USP13: variants seen among roughly 807,000 people sequenced by gnomAD.
USP13 encodes ubiquitin specific peptidase 13.
USP13 carries 68 observed loss-of-function variants against 107.8 expected under a neutral mutation model. The ratio of observed to expected loss-of-function variants is 0.63; its 90% CI spans 0.52 to 0.77. The LOEUF (loss-of-function observed/expected upper bound fraction) is 0.77. Ranked by LOEUF, USP13 falls within the 30% of genes least tolerant of loss-of-function variation. The probability of loss-of-function intolerance (pLI) is 0.00; values close to 1 mark genes in which losing one functional copy is unlikely to be tolerated. For missense variants in USP13, 945 were observed against 1,093.3 expected (o/e 0.86, Z 1.91); for synonymous variants, 377 against 389.5 (o/e 0.97, Z 0.38).
intron 1 of USP13, among the ~76,000 whole-genome samples, chr3:179,654,620 A>T (rs1193590930): frequency 6.6e-6 from 1 of 152,156 alleles, no homozygotes; most frequent in Non-Finnish European, 1.5e-5. Context: ...CTCATATGTC[A>T]CCCGGCAGAT....
At chr3:179,750,378 GT>G in intron 13 of USP13, among the ~76,000 whole-genome samples, 1 of 145,552 alleles carries the variant, frequency 6.9e-6, no homozygotes, top group South Asian at 2.1e-4. Flanking sequence ...AGAGTTTGTT[GT>G]TTTTTTGGTG....
intron 6 of USP13, among the ~76,000 whole-genome samples, chr3:179,715,015 G>T (rs968237102): frequency 6.6e-6 from 1 of 150,984 alleles, no homozygotes; most frequent in African/African-American, 2.4e-5. Context: ...GAGCACAGGT[G>T]CTTGCCACCA....
chr3:179,752,556 C>T (rs1161489172), intron 14 of USP13, among the ~76,000 whole-genome samples, 183 bp downstream of exon 14: 1 of 152,204 alleles, frequency 6.6e-6, no homozygotes, highest in African/African-American at 2.4e-5. Flanking sequence ...CATCTGCTTA[C>T]CCACCCCTCC....
In USP13 at chr3:179,708,875, C is replaced by T; in HGVS notation, c.723C>T (p.Gly241=). 1 of 1,614,102 alleles carries T rather than the reference C, an allele frequency of 6.2e-7. No individual in the cohort carries two copies. Residue 241 remains glycine, a synonymous_variant, in exon 6 of 21, where the codon GGC becomes GGT. Coordinates refer to ENST00000263966, the MANE Select transcript of USP13 (RefSeq NM_003940.3). ...AGTGGTTCTTTGACAGCTCTGGGGGCAACGGGCATGCGCTGGAGCATTACA... is the reference window on the plus strand; with the variant it reads ...AGTGGTTCTTTGACAGCTCTGGGGGTAACGGGCATGCGCTGGAGCATTACA... The part of the protein sequence containing the change: ...CGKWFFDSSG[G]NGHALEHYRD...
intron 16 of USP13, among the ~76,000 whole-genome samples, chr3:179,760,027 TC>T (rs1714947724): frequency 6.6e-6 from 1 of 152,202 alleles, no homozygotes; most frequent in South Asian, 2.1e-4. Context: ...TCTTCTCGGT[TC>T]TTTTCCTGAT....
intron 18 of USP13, among the ~76,000 whole-genome samples, chr3:179,764,428 A>G (rs1715109316): frequency 6.6e-6 from 1 of 152,206 alleles, no homozygotes; most frequent in Non-Finnish European, 1.5e-5. Flanking sequence ...ATCATCTTGA[A>G]TGTTTGTTAA....
chr3:179,755,773 T>C (rs1372227300), intron 15 of USP13, among the ~76,000 whole-genome samples: 2 of 152,234 alleles, frequency 1.3e-5, no homozygotes, highest in African/African-American at 4.8e-5. Flanking sequence ...AATGAGTAGA[T>C]TAACTCATAA....
At chr3:179,764,726 C>T (rs140878545) in intron 18 of USP13, among the ~76,000 whole-genome samples, 1 of 152,282 alleles carries the variant, frequency 6.6e-6, no homozygotes, top group East Asian at 1.9e-4. Flanking sequence ...TTCCCTTCTG[C>T]AGTGCTGATA....
At chr3:179,733,671 G>C (rs1713885259) in intron 10 of USP13, among the ~76,000 whole-genome samples, 1 of 152,222 alleles carries the variant, frequency 6.6e-6, no homozygotes, top group Non-Finnish European at 1.5e-5. Context: ...TAGATGATGA[G>C]AGGAATGTAT....
At chr3:179,734,290 T>A (rs1713909223) in intron 10 of USP13, among the ~76,000 whole-genome samples, 2 of 152,244 alleles carry the variant, frequency 1.3e-5, no homozygotes, top group African/African-American at 4.8e-5. Context: ...TTGCAGTAGA[T>A]AATAGTTACT....
intron 3 of USP13, among the ~76,000 whole-genome samples, chr3:179,700,794 A>G (rs946167820): frequency 6.6e-6 from 1 of 152,214 alleles, no homozygotes; most frequent in Admixed American, 6.5e-5. Context: ...TTCATACATC[A>G]GTCACTGATA....
At chr3:179,728,434 A>C (rs1203600127) in intron 8 of USP13, among the ~76,000 whole-genome samples, 8 of 129,628 alleles carry the variant, frequency 6.2e-5, no homozygotes, top group African/African-American at 8.9e-5. Context: ...GGCGGCCGGG[A>C]AGAGGCGCTC....
chr3:179,729,108 A>C (rs1713697231), intron 8 of USP13, among the ~76,000 whole-genome samples: 5 of 152,236 alleles, frequency 3.3e-5, no homozygotes, highest in African/African-American at 1.2e-4. Flanking sequence ...GGAGCACTGC[A>C]ACAGGGCCTG....
chr3:179,738,467 T>C (rs954327910), intron 10 of USP13, among the ~76,000 whole-genome samples: 1 of 152,196 alleles, frequency 6.6e-6, no homozygotes, highest in Non-Finnish European at 1.5e-5. Context: ...CCACTTTGAG[T>C]TGAAAGGCCT....
chr3:179,688,853 G>T (rs866748271), intron 2 of USP13, among the ~76,000 whole-genome samples: 6 of 152,352 alleles, frequency 3.9e-5, no homozygotes, highest in African/African-American at 1.2e-4. Flanking sequence ...AGTGGAAAGG[G>T]GGAAGAAAGA....
chr3:179,785,752 G>C lies in USP13; in HGVS notation c.*1611G>C, dbSNP rs773479735. On this transcript the variant is annotated 3_prime_UTR_variant, in exon 21 of 21. Transcript: ENST00000263966. ...CATAGGTGATCCTTTGGTGCCATGT[G>C]ACCGAGAGACATGGTGTCTAAGGCC... 1.3e-5 allele frequency: 2 copies of C among 152,290 alleles called. No individual in the cohort carries two copies. The highest frequency in any genetic ancestry group is 2.4e-5 in the African/African-American group (1 of 41,446). 9.4% of individuals were successfully genotyped at this position (152,290 alleles called of 1,614,324 possible).
chr3:179,662,503 A>G (rs1720484610), intron 1 of USP13, among the ~76,000 whole-genome samples: 1 of 152,004 alleles, frequency 6.6e-6, no homozygotes, highest in Non-Finnish European at 1.5e-5. Flanking sequence ...TTTAGCATTC[A>G]TTTACCTGCC....
At chr3:179,687,659 C>CAAGAAAAAAAAAAAA (rs1711920931) in intron 2 of USP13, among the ~76,000 whole-genome samples, 1 of 18,516 alleles carries the variant, frequency 5.4e-5, no homozygotes, top group Non-Finnish European at 1.7e-4. Flanking sequence ...AACTCTGTCT[C>CAAGAAAAAAAAAAAA]AAAAAAAAAA....
chr3:179,740,483 T>A, intron 11 of USP13, 111 bp downstream of exon 11: 1 of 1,497,788 alleles, frequency 6.7e-7, no homozygotes, highest in Admixed American at 1.8e-5. Context: ...CTTTCTTCAA[T>A]CTCTCCTGTT....
Sources: gnomAD v4.1 joint callset for allele counts (sites outside exome capture counted in the v4.1 genomes callset) on GRCh38, gnomAD v4.1.1 for gene constraint, MANE v1.5 for transcripts, NCBI Gene and HGNC (gene_info 2026-07-23, HGNC 2026-07-21) for gene names.